USP47: variants seen among roughly 807,000 people sequenced by gnomAD.
USP47 encodes the protein ubiquitin specific peptidase 47, also known as ubiquitin carboxyl-terminal hydrolase 47.
A neutral mutation model predicts 165.1 loss-of-function variants in USP47; 35 were observed. The observed-to-expected ratio is 0.21, with a 90% confidence interval of 0.16 to 0.28. The LOEUF (loss-of-function observed/expected upper bound fraction) is 0.28. Among genes scored for constraint, USP47 ranks in the 10% least tolerant of loss-of-function variants. The pLI, the probability that USP47 is intolerant of heterozygous loss-of-function variation, is 1.00. For missense variants in USP47, 1,277 were observed against 1,607.4 expected (o/e 0.79, Z 3.52); for synonymous variants, 531 against 544.5 (o/e 0.98, Z 0.35).
chr11:11,901,450 C>T (rs1280466155), intron 5 of USP47, among the ~76,000 whole-genome samples: 1 of 152,066 alleles, frequency 6.6e-6, no homozygotes, highest in Non-Finnish European at 1.5e-5. Flanking sequence ...GGGTACATTA[C>T]CAACTTTAGT....
intron 1 of USP47, among the ~76,000 whole-genome samples, chr11:11,843,434 A>T (rs114264490): frequency 1.2e-4 from 19 of 152,352 alleles, no homozygotes; most frequent in African/African-American, 4.6e-4. Context: ...TAAACAGATG[A>T]GTTAATCAGA....
At chr11:11,929,762 T>C (rs747683850) in intron 12 of USP47, among the ~76,000 whole-genome samples, 197 bp downstream of exon 12, 1 of 152,192 alleles carries the variant, frequency 6.6e-6, no homozygotes, top group East Asian at 1.9e-4. Flanking sequence ...TTTGTTTTGT[T>C]TGGGGCTTGC....
intron 8 of USP47, among the ~76,000 whole-genome samples, chr11:11,914,139 T>G (rs1853230585): frequency 6.6e-6 from 1 of 152,110 alleles, no homozygotes. Flanking sequence ...AATGGAATAC[T>G]ACTTAGCCAA....
chr11:11,946,388 TC>T (rs1470058367), intron 20 of USP47, among the ~76,000 whole-genome samples: 3 of 152,220 alleles, frequency 2.0e-5, no homozygotes, highest in Non-Finnish European at 2.9e-5. Flanking sequence ...ATTTTTGTCT[TC>T]CTATGACACA....
intron 1 of USP47, 137 bp downstream of exon 1, chr11:11,842,361 G>T: frequency 2.0e-6 from 2 of 1,000,420 alleles, no homozygotes; most frequent in East Asian, 2.8e-5. Flanking sequence ...GAGGCAGTCG[G>T]GGGTGGACGG....
intron 11 of USP47, among the ~76,000 whole-genome samples, chr11:11,928,097 T>C (rs1450372026): frequency 6.6e-6 from 1 of 152,062 alleles, no homozygotes; most frequent in Admixed American, 6.6e-5. Flanking sequence ...TTAAAAAATG[T>C]ATAGCTGTTG....
chr11:11,909,956 C>T (rs1207529649), intron 8 of USP47, among the ~76,000 whole-genome samples: 1 of 152,138 alleles, frequency 6.6e-6, no homozygotes, highest in African/African-American at 2.4e-5. Context: ...GTGACTCAGC[C>T]ACAGAACTCA....
chr11:11,854,945 A>C lies in USP47; in HGVS notation c.39+12721A>C, dbSNP rs149016894. Among the ~76,000 whole-genome samples, 350 of 149,138 alleles carry C rather than the reference A, an allele frequency of 2.3e-3. 41 individuals are homozygous for C. The East Asian group carries it at 0.054, about 23-fold the overall frequency. On this transcript the variant is annotated intron_variant, in intron 1 of 27. Transcript: ENST00000527733. Reference sequence around the variant, plus strand: ...CGTCTCTACCAAAAATACAAAAAAAATTAGCCGGGTGCAGTGGCGGGCGCC... The same window carrying C: ...CGTCTCTACCAAAAATACAAAAAAACTTAGCCGGGTGCAGTGGCGGGCGCC...
At position 11,923,041 on chromosome 11, in the gene USP47, CATATATATATATATATATATATATAT is replaced by C. The variant is rs56976706; in HGVS notation, c.1386+169_1386+194del. On this transcript the variant is annotated intron_variant, in intron 11 of 27. Transcript: ENST00000527733. ...ACTTCTCAAATATAGTTTTTTTGTA[CATATATATATATATATATATATATAT>C]ATATATATATATATATATGACTATA... 259 of 140,084 alleles carry C rather than the reference CATATATATATATATATATATATATAT, an allele frequency of 1.8e-3. 16 individuals are homozygous for C. The highest frequency in any genetic ancestry group is 3.2e-3 in the Middle Eastern group (1 of 308). 8.7% of individuals were successfully genotyped at this position (140,084 alleles called of 1,614,324 possible). A position where few individuals can be genotyped will look rare whatever the true frequency, so the allele number is the denominator to read the frequency against.
intron 1 of USP47, among the ~76,000 whole-genome samples, chr11:11,873,258 C>G (rs917807552): frequency 6.6e-6 from 1 of 151,940 alleles, no homozygotes; most frequent in Non-Finnish European, 1.5e-5. Context: ...GATGTAAAAT[C>G]AAGATTTTTC....
chr11:11,888,560 A>G (rs1452008518), intron 3 of USP47, among the ~76,000 whole-genome samples: 2 of 152,220 alleles, frequency 1.3e-5, no homozygotes, highest in Admixed American at 6.5e-5. Flanking sequence ...GCAGTAATAT[A>G]TAGCCTACCA....
intron 1 of USP47, among the ~76,000 whole-genome samples, chr11:11,855,318 T>G (rs1848977433): frequency 6.6e-6 from 1 of 152,190 alleles, no homozygotes; most frequent in African/African-American, 2.4e-5. Flanking sequence ...TGAGAGAACT[T>G]GATGTGTTTG....
At chr11:11,869,463 T>C (rs145875648) in intron 1 of USP47, among the ~76,000 whole-genome samples, 139 of 149,960 alleles carry the variant, frequency 9.3e-4, no homozygotes, top group African/African-American at 3.2e-3. Context: ...ATTGATCTAT[T>C]TATCTCTCTA....
chr11:11,926,108 A>T (rs942269203), intron 11 of USP47, among the ~76,000 whole-genome samples: 1 of 152,102 alleles, frequency 6.6e-6, no homozygotes, highest in African/African-American at 2.4e-5. Context: ...TTTGTTAAGG[A>T]TTTATGCATG....
At chr11:11,866,663 T>C (rs1849700342) in intron 1 of USP47, among the ~76,000 whole-genome samples, 1 of 152,182 alleles carries the variant, frequency 6.6e-6, no homozygotes, top group Non-Finnish European at 1.5e-5. Context: ...TTAAGGAGTT[T>C]CTTTAATGAT....
intron 8 of USP47, among the ~76,000 whole-genome samples, chr11:11,917,607 C>G (rs775102204): frequency 8.7e-6 from 1 of 114,320 alleles, no homozygotes; most frequent in Non-Finnish European, 1.6e-5. Context: ...CCATTTAAAA[C>G]TGGCAGACAC....
intron 1 of USP47, among the ~76,000 whole-genome samples, chr11:11,862,271 A>T (rs1375975864): frequency 6.6e-6 from 1 of 152,220 alleles, no homozygotes; most frequent in African/African-American, 2.4e-5. Flanking sequence ...ATTTTTCTGA[A>T]TGAATATATT....
chr11:11,872,328 A>G (rs1850119315), intron 1 of USP47, among the ~76,000 whole-genome samples: 1 of 152,144 alleles, frequency 6.6e-6, no homozygotes, highest in Non-Finnish European at 1.5e-5. Context: ...GGAGGAAGTT[A>G]TTACACCTTT....
chr11:11,847,059 A>G (rs1848467373), intron 1 of USP47, among the ~76,000 whole-genome samples: 1 of 152,168 alleles, frequency 6.6e-6, no homozygotes, highest in South Asian at 2.1e-4. Context: ...GCAGAATTGT[A>G]TATGATTCTA....
Sources: gnomAD v4.1 joint callset for allele counts (sites outside exome capture counted in the v4.1 genomes callset) on GRCh38, gnomAD v4.1.1 for gene constraint, MANE v1.5 for transcripts, NCBI Gene and HGNC (gene_info 2026-07-23, HGNC 2026-07-21) for gene names.